Variants in FOCAD observed in about 807,000 individuals in gnomAD.
The protein encoded by FOCAD is focadhesin.
In FOCAD, 198 loss-of-function variants were observed where a neutral mutation model predicts 225.6. The ratio of observed to expected loss-of-function variants is 0.88; its 90% CI spans 0.78 to 0.99. The LOEUF (loss-of-function observed/expected upper bound fraction) is 0.99, where lower values mean the gene tolerates loss of function less well. FOCAD is among the 50% of genes least tolerant of loss of function. The probability of loss-of-function intolerance (pLI) is 0.00; values close to 1 mark genes in which losing one functional copy is unlikely to be tolerated. For missense variants in FOCAD, 2,713 were observed against 2,123.6 expected, an observed-to-expected ratio of 1.28 and a Z score of -5.46; for synonymous variants, 897 against 755.0, an observed-to-expected ratio of 1.19 and a Z score of -3.08.
intron 4 of FOCAD, among the ~76,000 whole-genome samples, chr9:20,736,435 C>G (rs1006060323): frequency 1.3e-5 from 2 of 152,042 alleles, no homozygotes; most frequent in Non-Finnish European, 2.9e-5. Context: ...ATACAGAATT[C>G]AACAATAATT....
chr9:20,713,869 G>T (rs992116450), intron 1 of FOCAD, among the ~76,000 whole-genome samples: 3 of 152,196 alleles, frequency 2.0e-5, no homozygotes. Context: ...AGAAAGTTGT[G>T]ATTGACACAA....
chr9:20,768,392 C>T (rs1359651414), intron 7 of FOCAD, among the ~76,000 whole-genome samples: 1 of 152,014 alleles, frequency 6.6e-6, no homozygotes, highest in Non-Finnish European at 1.5e-5. Flanking sequence ...CTGGGGATGG[C>T]ATTGAATGTG....
intron 6 of FOCAD, among the ~76,000 whole-genome samples, chr9:20,759,485 G>C (rs1435227458): frequency 6.6e-6 from 1 of 152,180 alleles, no homozygotes; most frequent in Non-Finnish European, 1.5e-5. Flanking sequence ...TTAATAAATG[G>C]TGCTGGGAAA....
chr9:20,672,214 G>C (rs907102888), intron 2 of FOCAD, among the ~76,000 whole-genome samples: 4 of 152,166 alleles, frequency 2.6e-5, no homozygotes, highest in Non-Finnish European at 5.9e-5. Flanking sequence ...AACTACAAGT[G>C]CATTGCAATG....
chr9:20,667,853 G>A (rs887532207), intron 2 of FOCAD, among the ~76,000 whole-genome samples: 5 of 151,970 alleles, frequency 3.3e-5, no homozygotes, highest in Non-Finnish European at 5.9e-5. Flanking sequence ...TAATGAAGAC[G>A]GGATTCTTTC....
chr9:20,816,689 A>C (rs1823760092), intron 11 of FOCAD, among the ~76,000 whole-genome samples: 1 of 152,142 alleles, frequency 6.6e-6, no homozygotes, highest in African/African-American at 2.4e-5. Flanking sequence ...GCTTTCTAAG[A>C]ATAGAACAGA....
chr9:20,885,846 C>T (rs1235806278), intron 21 of FOCAD, among the ~76,000 whole-genome samples: 1 of 151,836 alleles, frequency 6.6e-6, no homozygotes, highest in Admixed American at 6.6e-5. Context: ...ATGATGTATA[C>T]AAATTAAAAT....
intron 2 of FOCAD, among the ~76,000 whole-genome samples, chr9:20,665,759 G>A (rs1028310065): frequency 9.1e-4 from 139 of 152,132 alleles, no homozygotes; most frequent in African/African-American, 3.1e-3. Context: ...GGCTGGGCAC[G>A]GTGGCTCACG....
chr9:20,818,516 A>G (rs936943255), intron 11 of FOCAD, among the ~76,000 whole-genome samples: 3 of 152,004 alleles, frequency 2.0e-5, no homozygotes, highest in African/African-American at 7.3e-5. Flanking sequence ...TAGTTCTAAA[A>G]TCCATTTTGA....
intron 15 of FOCAD, among the ~76,000 whole-genome samples, chr9:20,826,594 T>G (rs1047781836): frequency 6.6e-6 from 1 of 152,128 alleles, no homozygotes; most frequent in Non-Finnish European, 1.5e-5. Context: ...CCTTCATACA[T>G]ACATCTTTCC....
intron 11 of FOCAD, among the ~76,000 whole-genome samples, chr9:20,794,358 T>C (rs1053742662): frequency 6.6e-6 from 1 of 152,196 alleles, no homozygotes; most frequent in Non-Finnish European, 1.5e-5. Context: ...AGTGTATATA[T>C]GGAGATTAGA....
intron 21 of FOCAD, among the ~76,000 whole-genome samples, chr9:20,903,009 A>G (rs1361149111): frequency 6.6e-6 from 1 of 151,968 alleles, no homozygotes; most frequent in Non-Finnish European, 1.5e-5. Flanking sequence ...TGAATACACT[A>G]GAGTTCTCAC....
intron 1 of FOCAD, among the ~76,000 whole-genome samples, chr9:20,696,530 G>A (rs1027449641): frequency 3.3e-5 from 5 of 152,174 alleles, no homozygotes. Context: ...TTGGCCAGGT[G>A]CTGTGGTTCA....
chr9:20,893,957 GCATATAAT>G (rs1482238429), intron 21 of FOCAD, among the ~76,000 whole-genome samples: 1 of 152,116 alleles, frequency 6.6e-6, no homozygotes, highest in African/African-American at 2.4e-5. Context: ...ATAGTGGCAT[GCATATAAT>G]CATATAATCA....
intron 5 of FOCAD, among the ~76,000 whole-genome samples, chr9:20,754,933 A>G (rs1389910443): frequency 6.6e-6 from 1 of 152,218 alleles, no homozygotes; most frequent in Non-Finnish European, 1.5e-5. Context: ...GGATTATTTT[A>G]TATATGTATT....
chr9:20,760,327 A>C (rs528837569), intron 6 of FOCAD, among the ~76,000 whole-genome samples: 1 of 152,222 alleles, frequency 6.6e-6, no homozygotes, highest in Admixed American at 6.5e-5. Context: ...AACAAAAAGG[A>C]TTGGTTTCTG....
intron 15 of FOCAD, among the ~76,000 whole-genome samples, chr9:20,856,974 T>C (rs1828249840): frequency 8.0e-6 from 1 of 124,296 alleles, no homozygotes; most frequent in African/African-American, 3.0e-5. Context: ...AATACCATGC[T>C]GTTTTGGTTA....
At chr9:20,714,877 C>T (rs1016076648) in intron 1 of FOCAD, among the ~76,000 whole-genome samples, 1 of 152,130 alleles carries the variant, frequency 6.6e-6, no homozygotes, top group African/African-American at 2.4e-5. Flanking sequence ...TTCACCTAGG[C>T]TTCACACTTG....
intron 28 of FOCAD, among the ~76,000 whole-genome samples, chr9:20,940,490 G>T (rs1836537234): frequency 1.3e-5 from 2 of 151,944 alleles, no homozygotes; most frequent in Admixed American, 6.6e-5. Context: ...TTACTGTGTT[G>T]CCTAGGCCGG....
Sources: gnomAD v4.1 joint callset for allele counts (sites outside exome capture counted in the v4.1 genomes callset) on GRCh38, gnomAD v4.1.1 for gene constraint, MANE v1.5 for transcripts, NCBI Gene and HGNC (gene_info 2026-07-23, HGNC 2026-07-21) for gene names.